The following CCDC91 variants were observed in gnomAD, a reference collection of about 807,000 sequenced individuals.
CCDC91 encodes coiled-coil domain containing 91.
In CCDC91, 48 loss-of-function variants were observed where a neutral mutation model predicts 63.2. That is an observed-to-expected ratio of 0.76 (90% CI 0.60 to 0.97). The LOEUF is 0.97. Ranked by LOEUF, CCDC91 falls within the 50% of genes least tolerant of loss-of-function variation. The pLI, the probability that CCDC91 is intolerant of heterozygous loss-of-function variation, is 0.00. For synonymous variants in CCDC91, 167 were observed against 165.8 expected (o/e 1.01, Z -0.06); for missense variants, 500 against 494.6 (o/e 1.01, Z -0.10).
At chr12:28,456,033 C>T (rs934311884) in intron 11 of CCDC91, among the ~76,000 whole-genome samples, 9 of 152,082 alleles carry the variant, frequency 5.9e-5, no homozygotes, top group African/African-American at 2.2e-4. Context: ...CCTGTGTTCT[C>T]ATCTTAGTAT....
rs189786855 is a variant in CCDC91 at position 28,441,317 on chromosome 12, A to G, written c.763-8844A>G. 1.1e-4 allele frequency among the ~76,000 whole-genome samples: 16 copies of G among 152,116 alleles called. 1 individual carries two copies. In the East Asian group the frequency reaches 2.7e-3, roughly 26 times the overall value. ...GGTAGTACAACCATTTTGGAAAAAGATTTGACAGTTTTTTATAAATTTAAT... is the reference window on the plus strand; with the variant it reads ...GGTAGTACAACCATTTTGGAAAAAGGTTTGACAGTTTTTTATAAATTTAAT... On this transcript the variant is annotated intron_variant, in intron 8 of 12. Transcript: ENST00000536442.
intron 1 of CCDC91, among the ~76,000 whole-genome samples, chr12:28,242,023 A>C (rs76600653): frequency 1.3e-5 from 2 of 151,002 alleles, no homozygotes; most frequent in Non-Finnish European, 3.0e-5. Context: ...AAAACGAAAC[A>C]AAAAAAACTC....
intron 12 of CCDC91, among the ~76,000 whole-genome samples, chr12:28,498,495 G>A (rs976975824): frequency 4.6e-5 from 7 of 151,558 alleles, no homozygotes; most frequent in Admixed American, 2.6e-4. Context: ...AAGCAGGGAC[G>A]TACATTCCAT....
chr12:28,267,561 C>T (rs1001856542), intron 3 of CCDC91, among the ~76,000 whole-genome samples: 18 of 146,814 alleles, frequency 1.2e-4, no homozygotes, highest in African/African-American at 4.5e-4. Flanking sequence ...ACTAATTTTA[C>T]TAATATAAAC....
Position 28,258,071 on chromosome 12 carries a change from A to AGAAT in CCDC91, c.30+828_30+831dup, listed in dbSNP as rs1158588043. Among the ~76,000 whole-genome samples the AGAAT allele has an allele frequency of 2.0e-5, 3 of 152,006 alleles. No homozygotes were observed. The East Asian group carries it at 5.8e-4, about 29-fold the overall frequency. On this transcript the variant is annotated intron_variant, in intron 2 of 12. Coordinates refer to ENST00000536442, the MANE Select transcript of CCDC91 (RefSeq NM_018318.5). ...TATTCAGTGTTGTGAATTTCATGAAAGAATGGTGTGAGGTTTTTGTTAGGA... is the reference window on the plus strand; with the variant it reads ...TATTCAGTGTTGTGAATTTCATGAAAGAATGAATGGTGTGAGGTTTTTGTTAGGA...
intron 3 of CCDC91, among the ~76,000 whole-genome samples, chr12:28,286,414 T>C (rs1483445021): frequency 6.6e-6 from 1 of 152,174 alleles, no homozygotes. Context: ...TCTCTCCATG[T>C]GTTCTCATCA....
intron 1 of CCDC91, among the ~76,000 whole-genome samples, chr12:28,248,407 A>C (rs1028559875): frequency 2.0e-5 from 3 of 152,182 alleles, no homozygotes; most frequent in African/African-American, 7.2e-5. Context: ...GATGTGAATG[A>C]GATAGTCCAG....
chr12:28,424,370 T>G (rs1948187077), intron 8 of CCDC91, among the ~76,000 whole-genome samples: 1 of 152,188 alleles, frequency 6.6e-6, no homozygotes, highest in African/African-American at 2.4e-5. Context: ...TGCATATATT[T>G]AAGTCCTGCC....
chr12:28,244,380 A>G (rs73263464), intron 1 of CCDC91, among the ~76,000 whole-genome samples: 7,454 of 152,146 alleles, frequency 0.049, 542 homozygotes, highest in African/African-American at 0.16. Context: ...CATGCTTATC[A>G]CATGTTCTGA....
At chr12:28,536,245 C>T (rs901308437) in intron 12 of CCDC91, among the ~76,000 whole-genome samples, 10 of 152,064 alleles carry the variant, frequency 6.6e-5, no homozygotes, top group African/African-American at 1.2e-4. Flanking sequence ...AAAGCTTTTA[C>T]GCCAGCTCAT....
At chr12:28,475,220 C>T (rs1364670993) in intron 11 of CCDC91, among the ~76,000 whole-genome samples, 3 of 151,968 alleles carry the variant, frequency 2.0e-5, no homozygotes, top group South Asian at 2.1e-4. Context: ...TAACTTACTG[C>T]CTTCCTTCAT....
intron 1 of CCDC91, among the ~76,000 whole-genome samples, chr12:28,215,339 T>C (rs988699285): frequency 2.0e-5 from 3 of 152,190 alleles, no homozygotes; most frequent in African/African-American, 7.2e-5. Flanking sequence ...CTGAAATTAA[T>C]GTTTCTCTCT....
At chr12:28,495,255 T>C (rs1952217128) in intron 12 of CCDC91, among the ~76,000 whole-genome samples, 1 of 151,758 alleles carries the variant, frequency 6.6e-6, no homozygotes, top group South Asian at 2.1e-4. Context: ...GTGAATTGAC[T>C]CAGGACTGGA....
intron 6 of CCDC91, among the ~76,000 whole-genome samples, chr12:28,327,415 G>C (rs2137574281): frequency 6.6e-6 from 1 of 152,184 alleles, no homozygotes; most frequent in East Asian, 1.9e-4. Flanking sequence ...AGACAACATG[G>C]TGCTGGCCAA....
chr12:28,270,840 G>A lies in CCDC91; in HGVS notation c.109+11398G>A, dbSNP rs139253348. Among the ~76,000 whole-genome samples the A allele has an allele frequency of 2.4e-3, 367 of 152,164 alleles. 1 individual carries two copies. Among genetic ancestry groups the A allele is most frequent in the African/African-American group, 8.4e-3 (349 of 41,534 alleles). On this transcript the variant is annotated intron_variant, in intron 3 of 12. Coordinates refer to ENST00000536442, the MANE Select transcript of CCDC91 (RefSeq NM_018318.5). ...GACGTTAGGAGGTAAGACTGTTTAC[G>A]TTCAACCTTCTATTGTTTGATTTCT...
chr12:28,191,760 G>A (rs545581475), intron 1 of CCDC91, among the ~76,000 whole-genome samples: 2 of 152,258 alleles, frequency 1.3e-5, no homozygotes, highest in African/African-American at 4.8e-5. Flanking sequence ...TTTCTATTGC[G>A]TTGAGGGGAT....
intron 12 of CCDC91, among the ~76,000 whole-genome samples, chr12:28,503,947 AG>A (rs1473633710): frequency 4.1e-5 from 6 of 145,472 alleles, no homozygotes; most frequent in Admixed American, 2.7e-4. Flanking sequence ...GGGTGGGGGA[AG>A]GGGGGAGGGA....
intron 12 of CCDC91, among the ~76,000 whole-genome samples, chr12:28,496,227 C>T (rs1382356393): frequency 6.6e-6 from 1 of 151,666 alleles, no homozygotes; most frequent in Non-Finnish European, 1.5e-5. Context: ...AGATAAACCA[C>T]TCTTTGCTGC....
At chr12:28,355,125 G>C (rs1172020099) in intron 6 of CCDC91, among the ~76,000 whole-genome samples, 5 of 148,934 alleles carry the variant, frequency 3.4e-5, no homozygotes, top group African/African-American at 1.2e-4. Context: ...TTTTCCTCCT[G>C]TGCTTGGCCT....
Sources: gnomAD v4.1 joint callset for allele counts (sites outside exome capture counted in the v4.1 genomes callset) on GRCh38, gnomAD v4.1.1 for gene constraint, MANE v1.5 for transcripts, NCBI Gene and HGNC (gene_info 2026-07-23, HGNC 2026-07-21) for gene names.